The following COL22A1 variants were observed in gnomAD, a reference collection of about 807,000 sequenced individuals.
The protein encoded by COL22A1 is collagen type XXII alpha 1 chain.
Under a neutral mutation model 248.9 loss-of-function variants are expected in COL22A1, and 221 were observed. The ratio of observed to expected loss-of-function variants is 0.89; its 90% CI spans 0.80 to 0.99. The LOEUF is 0.99. Ranked by LOEUF, COL22A1 falls within the 50% of genes least tolerant of loss-of-function variation. The pLI, the probability that COL22A1 is intolerant of heterozygous loss-of-function variation, is 0.00. For synonymous variants in COL22A1, 891 were observed against 793.4 expected (o/e 1.12, Z -2.07); for missense variants, 2,240 against 2,179.0 (o/e 1.03, Z -0.56).
At chr8:138,648,796 T>A (rs1395360183) in intron 46 of COL22A1, among the ~76,000 whole-genome samples, 1 of 152,196 alleles carries the variant, frequency 6.6e-6, no homozygotes, top group African/African-American at 2.4e-5. Context: ...CGGAGGGCCA[T>A]CTGAATTACC....
At chr8:138,777,292 G>A (rs1391858857) in intron 15 of COL22A1, among the ~76,000 whole-genome samples, 1 of 152,220 alleles carries the variant, frequency 6.6e-6, no homozygotes, top group Non-Finnish European at 1.5e-5. Context: ...GTCCTAAAGA[G>A]CAGAGCATCT....
chr8:138,890,188 C>G (rs908727058), intron 1 of COL22A1, among the ~76,000 whole-genome samples: 5 of 151,962 alleles, frequency 3.3e-5, no homozygotes, highest in African/African-American at 1.2e-4. Context: ...ACCCAGCACC[C>G]TTTCATGATA....
In COL22A1 at chr8:138,811,928, G is replaced by T. The variant is rs370562333; in HGVS notation, c.1327-7C>A. ...TCACCACGGTCACCTGGCACTGGAA[G>T]GAAAGCCCAGGAGGTCAGAACCTGG... On this transcript the variant is annotated splice_polypyrimidine_tract_variant and splice_region_variant and intron_variant, in intron 8 of 64. Coordinates refer to ENST00000303045, the MANE Select transcript of COL22A1 (RefSeq NM_152888.3). The T allele has an allele frequency of 1.0e-5, 16 of 1,538,308 alleles. No homozygotes were observed. Among genetic ancestry groups the T allele is most frequent in the African/African-American group, 1.4e-5 (1 of 73,154 alleles).
At chr8:138,642,554 T>C (rs1821808955) in intron 47 of COL22A1, among the ~76,000 whole-genome samples, 1 of 152,206 alleles carries the variant, frequency 6.6e-6, no homozygotes, top group African/African-American at 2.4e-5. Context: ...ATGGAAGCTT[T>C]CTGTTCTCAG....
At chr8:138,722,503 T>A (rs1399929480) in intron 25 of COL22A1, among the ~76,000 whole-genome samples, 1 of 152,184 alleles carries the variant, frequency 6.6e-6, no homozygotes, top group Non-Finnish European at 1.5e-5. Context: ...ACTGCTATCC[T>A]CCCTTCCTCT....
In COL22A1 at chr8:138,856,821, T is replaced by C. The variant is rs548946159; in HGVS notation, c.659-12663A>G. On this transcript the variant is annotated intron_variant, in intron 3 of 64. Coordinates refer to ENST00000303045, the MANE Select transcript of COL22A1 (RefSeq NM_152888.3). ...CCTGCCAGCGCCTTCTAGGGCATAC[T>C]GCCAGTGACACATTCCTGACAAGGA... 2.1e-4 allele frequency among the ~76,000 whole-genome samples: 32 copies of C among 152,300 alleles called. No individual in the cohort carries two copies. In the East Asian group the frequency reaches 2.5e-3, roughly 12 times the overall value.
intron 64 of COL22A1, among the ~76,000 whole-genome samples, chr8:138,590,574 AAAT>A (rs201525663): frequency 0.021 from 3,200 of 152,252 alleles, 57 homozygotes; most frequent in Non-Finnish European, 0.033. Context: ...TATCTAACAA[AAAT>A]AATAATAAAT....
chr8:138,665,363 C>CT (rs1324978369), intron 41 of COL22A1, among the ~76,000 whole-genome samples: 3 of 152,158 alleles, frequency 2.0e-5, no homozygotes, highest in Non-Finnish European at 4.4e-5. Flanking sequence ...GGTCCACAGG[C>CT]TTTTTCTGTA....
chr8:138,666,923 TAGAC>T (rs1237496270), intron 41 of COL22A1, among the ~76,000 whole-genome samples: 3 of 152,214 alleles, frequency 2.0e-5, no homozygotes, highest in Admixed American at 1.3e-4. Context: ...GCAAGTTACT[TAGAC>T]AGCTTCTCTG....
intron 15 of COL22A1, chr8:138,778,110 C>T: frequency 1.7e-6 from 1 of 577,640 alleles, no homozygotes; most frequent in Non-Finnish European, 3.1e-6. Flanking sequence ...GGGATCTACC[C>T]TGCTTCTTGA....
At chr8:138,884,821 CT>C (rs765470615) in intron 1 of COL22A1, among the ~76,000 whole-genome samples, 10 of 152,180 alleles carry the variant, frequency 6.6e-5, no homozygotes, top group Non-Finnish European at 1.5e-4. Flanking sequence ...TCTGATCTTT[CT>C]CTGAATTATG....
chr8:138,654,791 C>CGAGTT (rs1823078632), intron 45 of COL22A1, among the ~76,000 whole-genome samples: 1 of 152,214 alleles, frequency 6.6e-6, no homozygotes, highest in African/African-American at 2.4e-5. Context: ...TAACTCCAGC[C>CGAGTT]ATGCTGTGCC....
intron 17 of COL22A1, 51 bp from the exon 18 acceptor site, chr8:138,760,338 G>A: frequency 6.5e-7 from 1 of 1,537,220 alleles, no homozygotes; most frequent in Non-Finnish European, 8.8e-7. Flanking sequence ...CGGATACGGT[G>A]GTGGGGTGTT....
intron 11 of COL22A1, among the ~76,000 whole-genome samples, chr8:138,797,559 T>C (rs1005671699): frequency 1.3e-5 from 2 of 152,216 alleles, no homozygotes; most frequent in Non-Finnish European, 2.9e-5. Flanking sequence ...TTGTGAAAGT[T>C]TTTGTGTAAA....
intron 16 of COL22A1, among the ~76,000 whole-genome samples, chr8:138,771,403 G>A (rs929646786): frequency 1.7e-4 from 26 of 152,334 alleles, no homozygotes; most frequent in African/African-American, 5.5e-4. Context: ...AGGCCACAGG[G>A]CATCAGGAAA....
intron 7 of COL22A1, among the ~76,000 whole-genome samples, chr8:138,817,581 G>A (rs868752320): frequency 3.3e-5 from 5 of 152,270 alleles, no homozygotes; most frequent in Middle Eastern, 3.4e-3. Context: ...GTATGTGGTG[G>A]GGATGTGTCC....
intron 46 of COL22A1, among the ~76,000 whole-genome samples, chr8:138,648,517 A>G: frequency 6.6e-6 from 1 of 152,244 alleles, no homozygotes; most frequent in Non-Finnish European, 1.5e-5. Flanking sequence ...TTTAGAAAAC[A>G]GATCATTGTC....
chr8:138,822,123 C>T (rs1406468294), intron 6 of COL22A1, among the ~76,000 whole-genome samples: 8 of 152,192 alleles, frequency 5.3e-5, no homozygotes, highest in Admixed American at 3.3e-4. Context: ...CAGCTCACTG[C>T]AGCCTCTGCC....
chr8:138,749,372 G>C (rs1832401133), intron 22 of COL22A1, among the ~76,000 whole-genome samples: 1 of 152,118 alleles, frequency 6.6e-6, no homozygotes, highest in Admixed American at 6.5e-5. Flanking sequence ...AACCTTCACA[G>C]TCATCTTTAT....
Sources: gnomAD v4.1 joint callset for allele counts (sites outside exome capture counted in the v4.1 genomes callset) on GRCh38, gnomAD v4.1.1 for gene constraint, MANE v1.5 for transcripts, NCBI Gene and HGNC (gene_info 2026-07-23, HGNC 2026-07-21) for gene names.